Variants in EXT2 observed in about 807,000 individuals in gnomAD.
The protein encoded by EXT2 is exostosin glycosyltransferase 2.
EXT2 carries 53 observed loss-of-function variants against 81.6 expected under a neutral mutation model. The ratio of observed to expected loss-of-function variants is 0.65; its 90% CI spans 0.52 to 0.82. EXT2 has a LOEUF of 0.82. EXT2 is among the 40% of genes least tolerant of loss of function. The pLI, the probability that EXT2 is intolerant of heterozygous loss-of-function variation, is 0.00. For synonymous variants in EXT2, 320 were observed against 340.0 expected (o/e 0.94, Z 0.65); for missense variants, 774 against 910.2 (o/e 0.85, Z 1.93).
chr11:44,143,149 AC>A (rs1314625917), intron 7 of EXT2, among the ~76,000 whole-genome samples: 1 of 152,106 alleles, frequency 6.6e-6, no homozygotes, highest in Non-Finnish European at 1.5e-5. Context: ...ACAGGGTTTC[AC>A]TATGTTGACC....
intron 10 of EXT2, among the ~76,000 whole-genome samples, chr11:44,210,422 A>G (rs1435390438): frequency 6.6e-6 from 1 of 152,230 alleles, no homozygotes; most frequent in Admixed American, 6.5e-5. Context: ...ATGATTCCAT[A>G]TATATAAAAT....
chr11:44,232,589 G>T (rs1955912825), intron 11 of EXT2, 93 bp downstream of exon 11: 11 of 1,496,766 alleles, frequency 7.3e-6, no homozygotes, highest in Non-Finnish European at 1.8e-6. Flanking sequence ...TGCCAAGAGG[G>T]CTTAGAAAAG....
At chr11:44,156,504 T>C (rs1954857349) in intron 7 of EXT2, among the ~76,000 whole-genome samples, 1 of 152,204 alleles carries the variant, frequency 6.6e-6, no homozygotes, top group Admixed American at 6.5e-5. Flanking sequence ...TGTTGAGAGA[T>C]TGATGTATTC....
chr11:44,167,325 G>A (rs1955008485), intron 7 of EXT2, among the ~76,000 whole-genome samples: 1 of 152,210 alleles, frequency 6.6e-6, no homozygotes, highest in Non-Finnish European at 1.5e-5. Flanking sequence ...AAAAGCAGCA[G>A]TTGGGAATGT....
chr11:44,216,696 G>A (rs1056133260), intron 10 of EXT2, among the ~76,000 whole-genome samples: 1 of 152,058 alleles, frequency 6.6e-6, no homozygotes, highest in African/African-American at 2.4e-5. Flanking sequence ...CCATTTTAAA[G>A]CAACTGGCTC....
At chr11:44,113,195 G>A (rs1954171121) in intron 3 of EXT2, among the ~76,000 whole-genome samples, 1 of 152,198 alleles carries the variant, frequency 6.6e-6, no homozygotes, top group Non-Finnish European at 1.5e-5. Context: ...ATTTCCAGGG[G>A]TGGTTTGAAA....
intron 2 of EXT2, 84 bp from the exon 3 acceptor site, chr11:44,109,110 C>A (rs79851468): frequency 5.1e-5 from 75 of 1,464,312 alleles, no homozygotes; most frequent in Non-Finnish European, 5.8e-5. Flanking sequence ...GCTTGGGGAT[C>A]CTTGATAGTT....
At chr11:44,130,526 C>T (rs1954477063) in intron 7 of EXT2, among the ~76,000 whole-genome samples, 1 of 152,202 alleles carries the variant, frequency 6.6e-6, no homozygotes, top group African/African-American at 2.4e-5. Flanking sequence ...CAAACTAGCC[C>T]AGCTTCCCAG....
rs77941104 is a variant in EXT2 at position 44,109,422 on chromosome 11, C to T, written c.626+139C>T. The T allele has an allele frequency of 6.2e-4, 532 of 856,816 alleles. 9 individuals are homozygous for T. In the East Asian group the frequency reaches 0.014, roughly 23 times the overall value. 53.1% of individuals were successfully genotyped at this position (856,816 alleles called of 1,614,324 possible). ...AGAAAATTGTCATAAGTATTTTCCT[C>T]CTGAAGATTTAGAAGTGCTTAAATC... On this transcript the variant is annotated intron_variant, in intron 3 of 13. Coordinates refer to ENST00000533608, the MANE Select transcript of EXT2 (RefSeq NM_207122.2).
chr11:44,123,046 G>C lies in EXT2; in HGVS notation c.744-1743G>C, dbSNP rs567063554. ...CAAAACCAGAATTGATCCTGAGGAC[G>C]TAAAAGCAGTCTGGCTGTGGTATAG... is the stretch of plus-strand genomic sequence containing the variant. On this transcript the variant is annotated intron_variant, in intron 4 of 13. Transcript: ENST00000533608. Among the ~76,000 whole-genome samples, 5 of 152,298 alleles carry C rather than the reference G, an allele frequency of 3.3e-5. No individual in the cohort carries two copies. The South Asian group carries it at 8.3e-4, about 25-fold the overall frequency.
chr11:44,247,942 A>G lies in EXT2; in HGVS notation c.*3655A>G, dbSNP rs916313577. 6.6e-6 allele frequency among the ~76,000 whole-genome samples: 1 copy of G among 152,232 alleles called. No homozygotes were observed. Among genetic ancestry groups the G allele is most frequent in the Non-Finnish European group, 1.5e-5 (1 of 68,032 alleles). On this transcript the variant is annotated 3_prime_UTR_variant, in exon 14 of 14. Transcript: ENST00000533608. ...CAAGAACCTTTGATAGTTTTCAGCC[A>G]AGATAGTAATCAGAAAGTAGATGAA... is the stretch of plus-strand genomic sequence containing the variant.
intron 10 of EXT2, among the ~76,000 whole-genome samples, chr11:44,209,984 C>A (rs537458560): frequency 2.0e-5 from 3 of 152,324 alleles, no homozygotes; most frequent in Admixed American, 1.3e-4. Context: ...ATCTCCCTTA[C>A]CAACACACGT....
chr11:44,185,025 A>G (rs1456475315), intron 8 of EXT2, among the ~76,000 whole-genome samples: 1 of 152,204 alleles, frequency 6.6e-6, no homozygotes, highest in Non-Finnish European at 1.5e-5. Context: ...CACATCACCA[A>G]GCTCAGGTTG....
chr11:44,112,554 G>A lies in EXT2; in HGVS notation c.627-1631G>A, dbSNP rs371076726. Among the ~76,000 whole-genome samples the A allele has an allele frequency of 9.8e-5, 15 of 152,322 alleles. No homozygotes were observed. The Middle Eastern group carries it at 0.01, about 104-fold the overall frequency. On this transcript the variant is annotated intron_variant, in intron 3 of 13. Coordinates refer to ENST00000533608, the MANE Select transcript of EXT2 (RefSeq NM_207122.2). ...AATATTTTCTCCATTATAATGTAAT[G>A]GAGACCTTGGCAGAAGAAGATACAG...
chr11:44,162,088 GA>G (rs1370787890), intron 7 of EXT2, among the ~76,000 whole-genome samples: 9 of 152,032 alleles, frequency 5.9e-5, no homozygotes, highest in South Asian at 2.1e-4. Flanking sequence ...ATCTGGAGAA[GA>G]AAAAAAGTAT....
In EXT2 at chr11:44,247,991, G is replaced by A. The variant is rs143111589; in HGVS notation, c.*3704G>A. Among the ~76,000 whole-genome samples, 2 of 152,342 alleles carry A rather than the reference G, an allele frequency of 1.3e-5. No homozygotes were observed. Among genetic ancestry groups the A allele is most frequent in the East Asian group, 3.9e-4 (2 of 5,188 alleles). ...AAGCAGAGACTGGGTTTGGGAAGTG[G>A]TTGGGTTCTGGGAAGGCTCTTCCTA... On this transcript the variant is annotated 3_prime_UTR_variant, in exon 14 of 14. Coordinates refer to ENST00000533608, the MANE Select transcript of EXT2 (RefSeq NM_207122.2).
At chr11:44,241,786 G>C (rs1956040482) in intron 13 of EXT2, among the ~76,000 whole-genome samples, 1 of 152,184 alleles carries the variant, frequency 6.6e-6, no homozygotes, top group African/African-American at 2.4e-5. Flanking sequence ...CAGCTCATGT[G>C]GGCCACCGGC....
intron 8 of EXT2, among the ~76,000 whole-genome samples, chr11:44,178,113 CA>C (rs1281714001): frequency 6.6e-6 from 1 of 152,162 alleles, no homozygotes; most frequent in Non-Finnish European, 1.5e-5. Flanking sequence ...AAGAATCACC[CA>C]GGGGGATCAG....
rs981982999 is a variant in EXT2 at position 44,248,995 on chromosome 11, T to G, written c.*4708T>G. ...TTGTTTGTTTGTTTGTTTGTTTTTGTTTTTTTTGTTTTTTCTTTGGAAACA... is the reference window on the plus strand; with the variant it reads ...TTGTTTGTTTGTTTGTTTGTTTTTGGTTTTTTTGTTTTTTCTTTGGAAACA... On this transcript the variant is annotated 3_prime_UTR_variant, in exon 14 of 14. Coordinates refer to ENST00000533608, the MANE Select transcript of EXT2 (RefSeq NM_207122.2). Among the ~76,000 whole-genome samples, 22 of 151,230 alleles carry G rather than the reference T, an allele frequency of 1.5e-4. No individual in the cohort carries two copies. The highest frequency in any genetic ancestry group is 2.7e-4 in the Non-Finnish European group (18 of 67,874).
Sources: allele counts gnomAD v4.1 joint callset (sites outside exome capture counted in the v4.1 genomes callset), GRCh38; gene constraint gnomAD v4.1.1; transcripts MANE v1.5; gene names NCBI Gene and HGNC (gene_info 2026-07-23, HGNC 2026-07-21).